The following LRMDA variants were observed in gnomAD, a reference collection of about 807,000 sequenced individuals.
LRMDA encodes the protein leucine-rich melanocyte differentiation-associated protein.
Under a neutral mutation model 29.8 loss-of-function variants are expected in LRMDA, and 18 were observed. The observed-to-expected ratio is 0.60, with a 90% CI of 0.42 to 0.90. The LOEUF (loss-of-function observed/expected upper bound fraction) is 0.90. LRMDA is among the 40% of genes least tolerant of loss of function. The pLI, the probability that LRMDA is intolerant of heterozygous loss-of-function variation, is 0.00. For missense variants in LRMDA, 273 were observed against 273.9 expected (o/e 1.00, Z 0.02); for synonymous variants, 125 against 109.4 (o/e 1.14, Z -0.89).
intron 6 of LRMDA, among the ~76,000 whole-genome samples, chr10:76,492,040 T>G (rs1035270380): frequency 3.3e-5 from 5 of 152,088 alleles, no homozygotes; most frequent in African/African-American, 4.8e-5. Context: ...GCTTGTTTCT[T>G]TTAAAGTACT....
intron 2 of LRMDA, among the ~76,000 whole-genome samples, chr10:75,610,466 A>G (rs1841014049): frequency 6.6e-6 from 1 of 151,562 alleles, no homozygotes; most frequent in East Asian, 1.9e-4. Flanking sequence ...CACATAGACA[A>G]ACACATACCA....
chr10:75,940,333 C>T (rs1846368105), intron 2 of LRMDA, among the ~76,000 whole-genome samples: 1 of 152,104 alleles, frequency 6.6e-6, no homozygotes, highest in Admixed American at 6.6e-5. Context: ...ACACACCTGG[C>T]ATCTGGAGCC....
chr10:75,750,793 A>G (rs1441386055), intron 2 of LRMDA, among the ~76,000 whole-genome samples: 3 of 126,246 alleles, frequency 2.4e-5, no homozygotes, highest in Non-Finnish European at 3.3e-5. Flanking sequence ...CTTCCCAGAC[A>G]GGGTGGCAGC....
intron 2 of LRMDA, among the ~76,000 whole-genome samples, chr10:75,915,685 A>G (rs1407183871): frequency 1.3e-5 from 2 of 152,176 alleles, no homozygotes; most frequent in Non-Finnish European, 2.9e-5. Context: ...TAAGCTCTGA[A>G]CTAGGCTACT....
At chr10:75,667,925 A>T (rs986865861) in intron 2 of LRMDA, among the ~76,000 whole-genome samples, 1 of 152,226 alleles carries the variant, frequency 6.6e-6, no homozygotes, top group Non-Finnish European at 1.5e-5. Context: ...ATTTGGAAGA[A>T]AGTCCATCCT....
intron 2 of LRMDA, among the ~76,000 whole-genome samples, chr10:75,720,048 G>A (rs545976840): frequency 1.5e-4 from 23 of 152,024 alleles, no homozygotes; most frequent in Non-Finnish European, 1.2e-4. Flanking sequence ...CAAGAGAAAC[G>A]GCAAACTTCT....
At chr10:75,856,610 G>T (rs1844831412) in intron 2 of LRMDA, among the ~76,000 whole-genome samples, 1 of 152,096 alleles carries the variant, frequency 6.6e-6, no homozygotes, top group Non-Finnish European at 1.5e-5. Flanking sequence ...ATGCAGAAAA[G>T]GCCTTTGACA....
intron 2 of LRMDA, among the ~76,000 whole-genome samples, chr10:75,953,441 G>C (rs1846611915): frequency 6.6e-6 from 1 of 152,152 alleles, no homozygotes; most frequent in Admixed American, 6.6e-5. Flanking sequence ...AGGCTGAGTG[G>C]GTAATACCAG....
chr10:76,432,597 A>G (rs1010948871), intron 6 of LRMDA, among the ~76,000 whole-genome samples: 3 of 152,302 alleles, frequency 2.0e-5, no homozygotes, highest in African/African-American at 7.2e-5. Flanking sequence ...TATCCATTCA[A>G]TACACTGGGG....
Position 75,659,123 on chromosome 10 carries a change from C to A in LRMDA, c.131+220629C>A, listed in dbSNP as rs570332921. On this transcript the variant is annotated intron_variant, in intron 2 of 6. Coordinates refer to ENST00000611255, the MANE Select transcript of LRMDA (RefSeq NM_001305581.2). ...GCCTGGGGAGACGCATGGCACATTGCCGACACAAAGTGCACGTCTGCCCCT... is the reference window on the plus strand; with the variant it reads ...GCCTGGGGAGACGCATGGCACATTGACGACACAAAGTGCACGTCTGCCCCT... Among the ~76,000 whole-genome samples, 332 of 152,350 alleles carry A rather than the reference C, an allele frequency of 2.2e-3. 2 individuals carry two copies. The highest frequency in any genetic ancestry group is 5.9e-3 in the African/African-American group (247 of 41,590).
chr10:75,739,504 G>A (rs191154504), intron 2 of LRMDA, among the ~76,000 whole-genome samples: 100 of 152,346 alleles, frequency 6.6e-4, no homozygotes, highest in African/African-American at 2.4e-3. Flanking sequence ...AGAACAGGGT[G>A]CAAGAACCTG....
intron 2 of LRMDA, among the ~76,000 whole-genome samples, chr10:75,953,304 C>G (rs1328989154): frequency 2.0e-5 from 3 of 152,118 alleles, no homozygotes; most frequent in Non-Finnish European, 4.4e-5. Context: ...GTCTTGAACT[C>G]CTGGCCTCAA....
chr10:75,896,523 T>C (rs971308763), intron 2 of LRMDA, among the ~76,000 whole-genome samples: 1 of 152,202 alleles, frequency 6.6e-6, no homozygotes. Flanking sequence ...CTGTGGCCTG[T>C]GGCCTGTGGT....
chr10:76,397,409 T>G (rs183469669), intron 6 of LRMDA, among the ~76,000 whole-genome samples: 1 of 152,290 alleles, frequency 6.6e-6, no homozygotes, highest in African/African-American at 2.4e-5. Flanking sequence ...CTTTCGTACT[T>G]TGCCCTTAAC....
intron 2 of LRMDA, among the ~76,000 whole-genome samples, chr10:76,013,137 G>A (rs1847814299): frequency 2.6e-5 from 4 of 152,184 alleles, no homozygotes; most frequent in Admixed American, 2.6e-4. Context: ...AAAGATCAAA[G>A]ATTGCTAGGC....
At chr10:75,569,645 G>C (rs529718429) in intron 2 of LRMDA, among the ~76,000 whole-genome samples, 2 of 152,190 alleles carry the variant, frequency 1.3e-5, no homozygotes, top group African/African-American at 2.4e-5. Context: ...TATATATCAA[G>C]CTATTATTTA....
At chr10:76,322,444 A>G (rs999836371) in intron 5 of LRMDA, among the ~76,000 whole-genome samples, 4 of 152,236 alleles carry the variant, frequency 2.6e-5, no homozygotes, top group Admixed American at 6.5e-5. Context: ...GAGTTTATCA[A>G]TGGACACTGA....
At chr10:76,031,083 G>C (rs553117932) in intron 2 of LRMDA, among the ~76,000 whole-genome samples, 55 of 152,296 alleles carry the variant, frequency 3.6e-4, no homozygotes, top group Admixed American at 1.9e-3. Context: ...CAACTGCACT[G>C]TCCAATTAGA....
chr10:76,120,574 A>G (rs1162492058), intron 5 of LRMDA, among the ~76,000 whole-genome samples: 2 of 152,178 alleles, frequency 1.3e-5, no homozygotes, highest in South Asian at 4.1e-4. Flanking sequence ...CTATAAAACA[A>G]CAACAAAAAT....
Sources: gnomAD v4.1 joint callset for allele counts (sites outside exome capture counted in the v4.1 genomes callset) on GRCh38, gnomAD v4.1.1 for gene constraint, MANE v1.5 for transcripts, NCBI Gene and HGNC (gene_info 2026-07-23, HGNC 2026-07-21) for gene names.